C6orf62: variants seen among roughly 807,000 people sequenced by gnomAD.
C6orf62 encodes uncharacterized protein C6orf62.
C6orf62 carries 16 observed loss-of-function variants against 26.8 expected under a neutral mutation model. That is an observed-to-expected ratio of 0.60 (90% CI 0.40 to 0.91). The LOEUF is 0.91. C6orf62 is among the 40% of genes least tolerant of loss of function. The pLI is 0.00. For synonymous variants in C6orf62, 112 were observed against 91.5 expected (o/e 1.22, Z -1.28); for missense variants, 192 against 271.4 (o/e 0.71, Z 2.06).
At chr6:24,706,333 T>A (rs1779009599) in intron 4 of C6orf62, 71 bp from the exon 5 acceptor site, 2 of 1,568,368 alleles carry the variant, frequency 1.3e-6, no homozygotes, top group African/African-American at 2.7e-5. Flanking sequence ...GAAGTCCATT[T>A]CCCACAATTT....
At position 24,705,685 on chromosome 6, in the gene C6orf62, G is replaced by T. The variant is rs1379266367; in HGVS notation, c.*452C>A. ...TCTGACAGTGCTCTGGAACAACTGT[G>T]ATTATAGCAAAGTTATTGTTTTTAA... On this transcript the variant is annotated 3_prime_UTR_variant, in exon 5 of 5. Transcript: ENST00000378119. The T allele has an allele frequency of 6.5e-6, 1 of 153,266 alleles. No homozygotes were observed. Among genetic ancestry groups the T allele is most frequent in the Non-Finnish European group, 1.5e-5 (1 of 68,516 alleles). The allele number at this position is 153,266 out of a possible 1,614,324, so 9.5% of individuals were successfully genotyped here.
intron 3 of C6orf62, among the ~76,000 whole-genome samples, chr6:24,711,589 G>A (rs1193696329): frequency 6.6e-6 from 1 of 151,966 alleles, no homozygotes; most frequent in Non-Finnish European, 1.5e-5. Flanking sequence ...GAACCTAGGA[G>A]TTCAAGACCA....
intron 4 of C6orf62, chr6:24,706,599 T>A (rs1779014487): frequency 9.6e-6 from 2 of 207,842 alleles, no homozygotes; most frequent in South Asian, 1.4e-4. Context: ...TAGAAGCTAG[T>A]GAGAGGATGA....
chr6:24,711,239 TAC>T (rs143267331), intron 3 of C6orf62, among the ~76,000 whole-genome samples: 14 of 138,652 alleles, frequency 1.0e-4, no homozygotes, highest in Non-Finnish European at 1.9e-4. Context: ...AAAGAAATGG[TAC>T]ACACACACAC....
chr6:24,718,495 A>T (rs1399552398), intron 1 of C6orf62, 45 bp downstream of exon 1: 16 of 1,528,634 alleles, frequency 1.0e-5, no homozygotes, highest in Non-Finnish European at 1.4e-5. Flanking sequence ...ATATACACTT[A>T]CAAAAATTAC....
intron 4 of C6orf62, 78 bp downstream of exon 4, chr6:24,708,699 G>C: frequency 1.3e-6 from 2 of 1,554,546 alleles, no homozygotes; most frequent in Non-Finnish European, 1.8e-6. Context: ...CAACAATTAA[G>C]TAACTTGTAT....
At position 24,716,183 on chromosome 6, in the gene C6orf62, G is replaced by A; in HGVS notation, c.271C>T (p.Gln91Ter). 1.2e-6 allele frequency: 2 copies of A among 1,613,968 alleles called. No individual in the cohort carries two copies. The highest frequency in any genetic ancestry group is 1.7e-6 in the Non-Finnish European group (2 of 1,179,868). The change falls in exon 2 of 5, where the codon CAG becomes TAG. Residue 91 changes from glutamine (Q) to a stop codon, truncating the protein, a stop_gained. Transcript: ENST00000378119. LOFTEE classifies it high-confidence loss of function. ...GACTGATATCGAGGAGCATGGAGCT[G>A]TACCACATCCTTCTGTAAAAGCTCT... ...SLELLQKDVV[Q>*]LHAPRYQSMR...
chr6:24,718,906 G>T lies in C6orf62; in HGVS notation c.-238C>A. ...GTCATGTTTGGACAATAACGTTTGGGGTCAGACGGGAAAAAGGGAGGAAAG... is the reference window on the plus strand; with the variant it reads ...GTCATGTTTGGACAATAACGTTTGGTGTCAGACGGGAAAAAGGGAGGAAAG... On this transcript the variant is annotated 5_prime_UTR_variant, in exon 1 of 5. Coordinates refer to ENST00000378119, the MANE Select transcript of C6orf62 (RefSeq NM_030939.5). 1 of 1,298,662 alleles carries T rather than the reference G, an allele frequency of 7.7e-7. No homozygotes were observed. Among genetic ancestry groups the T allele is most frequent in the Non-Finnish European group, 9.8e-7 (1 of 1,025,550 alleles). The allele number at this position is 1,298,662 out of a possible 1,614,324, so 80.4% of individuals were successfully genotyped here. A position where few individuals can be genotyped will look rare whatever the true frequency, so the allele number is the denominator to read the frequency against.
At chr6:24,711,417 A>G (rs1041295455) in intron 3 of C6orf62, among the ~76,000 whole-genome samples, 6 of 152,198 alleles carry the variant, frequency 3.9e-5, no homozygotes, top group African/African-American at 1.2e-4. Flanking sequence ...AGCACTTCAC[A>G]GTACACTGAA....
At chr6:24,715,123 C>A (rs1779196513) in intron 2 of C6orf62, among the ~76,000 whole-genome samples, 1 of 152,196 alleles carries the variant, frequency 6.6e-6, no homozygotes, top group Admixed American at 6.5e-5. Context: ...GAATCACTAT[C>A]CTATTATAGC....
chr6:24,713,722 C>T (rs1481779870), intron 3 of C6orf62, among the ~76,000 whole-genome samples: 1 of 152,100 alleles, frequency 6.6e-6, no homozygotes, highest in Non-Finnish European at 1.5e-5. Context: ...TTTGGTGGAC[C>T]TCCATCTTCT....
At position 24,706,190 on chromosome 6, in the gene C6orf62, G is replaced by A. The variant is rs1340671612; in HGVS notation, c.637C>T (p.His213Tyr). ...CLYLPQEQLT[H>Y]WAVGTIEDHL... ...TCCTCTATGGTGCCAACTGCCCAGT[G>A]GGTGAGCTGTTCCTGTGGCAGGTAG... Residue 213 changes from histidine (H) to tyrosine (Y), a missense_variant, in exon 5 of 5, where the codon CAC (histidine) becomes TAC (tyrosine). His to Tyr is a moderately conservative substitution (Grantham distance 83, BLOSUM62 2). Transcript: ENST00000378119. 1.2e-6 allele frequency: 2 copies of A among 1,614,080 alleles called. No homozygotes were observed. The highest frequency in any genetic ancestry group is 1.7e-6 in the Non-Finnish European group (2 of 1,180,042).
In C6orf62 at chr6:24,706,215, G is replaced by C. The variant is rs751502413; in HGVS notation, c.612C>G (p.Leu204=). ...ATIFKLCSIC[L]YLPQEQLTHW... ...GGGTGAGCTGTTCCTGTGGCAGGTA[G>C]AGGCAGATGCTGCATAACTTGAAGA... is the stretch of plus-strand genomic sequence containing the variant. Residue 204 remains leucine, a synonymous_variant, in exon 5 of 5, where the codon CTC becomes CTG. Transcript: ENST00000378119. 6.2e-7 allele frequency: 1 copy of C among 1,614,242 alleles called. No homozygotes were observed. Among genetic ancestry groups the C allele is most frequent in the Admixed American group, 1.7e-5 (1 of 60,028 alleles).
chr6:24,718,526 G>A lies in C6orf62; in HGVS notation c.129+14C>T. 6.3e-7 allele frequency: 1 copy of A among 1,588,168 alleles called. No homozygotes were observed. Among genetic ancestry groups the A allele is most frequent in the South Asian group, 1.1e-5 (1 of 88,920 alleles). On this transcript the variant is annotated intron_variant, in intron 1 of 4. Coordinates refer to ENST00000378119, the MANE Select transcript of C6orf62 (RefSeq NM_030939.5). ...ATTACTTGTGCTAATTCACCATTAA[G>A]AACTTTAAATTACCTTCTCCTTGAA...
upstream of C6orf62, chr6:24,719,534 G>A (rs1779309836): frequency 1.7e-6 from 2 of 1,176,124 alleles, no homozygotes; most frequent in Non-Finnish European, 2.1e-6. Context: ...GGCTGCTAAC[G>A]CTGCTGCCAA....
chr6:24,705,975 A>C lies in C6orf62; in HGVS notation c.*162T>G. The C allele has an allele frequency of 9.0e-7, 1 of 1,106,192 alleles. No homozygotes were observed. The highest frequency in any genetic ancestry group is 1.2e-6 in the Non-Finnish European group (1 of 812,912). 68.5% of individuals were successfully genotyped at this position (1,106,192 alleles called of 1,614,324 possible). ...CTAATTTTTGTTTAAGTTCTGAGAT[A>C]AAAATGATTTAAAAAAATCCAGGAT... On this transcript the variant is annotated 3_prime_UTR_variant, in exon 5 of 5. Coordinates refer to ENST00000378119, the MANE Select transcript of C6orf62 (RefSeq NM_030939.5).
chr6:24,715,848 CAAA>C (rs139717677), intron 2 of C6orf62, among the ~76,000 whole-genome samples: 1 of 63,838 alleles, frequency 1.6e-5, no homozygotes, highest in Non-Finnish European at 3.0e-5. Flanking sequence ...GACTTTGTCT[CAAA>C]AAAAAAAAAA....
In C6orf62 at chr6:24,708,259, A is replaced by AG. The variant is rs1779051991; in HGVS notation, c.564+517_564+518insC. ...GGAGGTGGGTTTTTTCCCGTTTAAA[A>AG]AAAAAAAAAAGGCTTGCCAGGTTGC... On this transcript the variant is annotated intron_variant, in intron 4 of 4. Coordinates refer to ENST00000378119, the MANE Select transcript of C6orf62 (RefSeq NM_030939.5). Among the ~76,000 whole-genome samples the AG allele has an allele frequency of 3.3e-5, 5 of 151,938 alleles. No individual in the cohort carries two copies. The South Asian group carries it at 1.0e-3, about 32-fold the overall frequency.
At chr6:24,714,509 T>C in intron 2 of C6orf62, 69 bp from the exon 3 acceptor site, 1 of 1,208,166 alleles carries the variant, frequency 8.3e-7, no homozygotes, top group Non-Finnish European at 1.2e-6. Flanking sequence ...TGTCACAAAT[T>C]ATAGGGTTCC....
Sources: allele counts gnomAD v4.1 joint callset (sites outside exome capture counted in the v4.1 genomes callset), GRCh38; gene constraint gnomAD v4.1.1; transcripts MANE v1.5; gene names NCBI Gene and HGNC (gene_info 2026-07-23, HGNC 2026-07-21).